Variants in NTS observed in about 807,000 individuals in gnomAD.
NTS encodes the protein neurotensin/neuromedin N.
In NTS, 20 loss-of-function variants were observed where a neutral mutation model predicts 19.5. That is an observed-to-expected ratio of 1.02 (90% confidence interval 0.72 to 1.49). NTS has a LOEUF of 1.49. Ranked by LOEUF, NTS falls within the 40% of genes most tolerant of loss-of-function variation. NTS has a pLI of 0.00. For synonymous variants in NTS, 71 were observed against 63.3 expected, an observed-to-expected ratio of 1.12 and a Z score of -0.58; for missense variants, 215 against 193.1, an observed-to-expected ratio of 1.11 and a Z score of -0.67.
chr12:85,879,609 ATATATTTTTTG>A (rs1240906227), intron 3 of NTS, among the ~76,000 whole-genome samples: 1 of 104,566 alleles, frequency 9.6e-6, no homozygotes, highest in African/African-American at 3.6e-5. Flanking sequence ...TGTATATAAA[ATATATTTTTTG>A]TATATTTTAT....
chr12:85,877,452 C>T (rs567026352), intron 2 of NTS, among the ~76,000 whole-genome samples: 6 of 147,218 alleles, frequency 4.1e-5, no homozygotes, highest in Non-Finnish European at 8.9e-5. Flanking sequence ...ATCCTGGGCC[C>T]TATTACTCCT....
In NTS at chr12:85,878,555, T is replaced by C. The variant is rs201738761; in HGVS notation, c.346T>C (p.Phe116Leu). ...QLHKICHSRA[F>L]QHWELIQEDI... Reference sequence around the variant, plus strand: ...CCACAAAATCTGTCACAGCAGGGCTTTTCAACACTGGGAGGTATAGCAATA... The same window carrying C: ...CCACAAAATCTGTCACAGCAGGGCTCTTCAACACTGGGAGGTATAGCAATA... The change falls in exon 3 of 4, where the codon TTT (phenylalanine) becomes CTT (leucine). Residue 116 changes from phenylalanine to leucine, a missense_variant. Transcript: ENST00000256010. 9.8e-5 allele frequency: 157 copies of C among 1,609,120 alleles called. 4 individuals carry two copies. In the Middle Eastern group the frequency reaches 8.1e-3, roughly 83 times the overall value.
chr12:85,878,376 T>C lies in NTS; in HGVS notation c.167T>C (p.Met56Thr), dbSNP rs769743232. 1 of 1,610,476 alleles carries C rather than the reference T, an allele frequency of 6.2e-7. No individual in the cohort carries two copies. Among genetic ancestry groups the C allele is most frequent in the Non-Finnish European group, 8.5e-7 (1 of 1,177,730 alleles). ...AAAGCACATGTTCCCTCTTGGAAGA[T>C]GACTCTGCTAAATGTTTGCAGTCTT... ...ISKAHVPSWK[M>T]TLLNVCSLVN... Residue 56 changes from methionine (M) to threonine (T), a missense_variant, in exon 3 of 4, where the codon ATG becomes ACG. Physicochemically the swap from Met to Thr is moderately conservative, Grantham distance 81. Coordinates refer to ENST00000256010, the MANE Select transcript of NTS (RefSeq NM_006183.5).
chr12:85,881,702 T>C (rs1253537389), intron 3 of NTS, among the ~76,000 whole-genome samples: 1 of 152,164 alleles, frequency 6.6e-6, no homozygotes, highest in Non-Finnish European at 1.5e-5. Flanking sequence ...TTCATCCCTC[T>C]ATTGAGAATT....
chr12:85,882,947 A>G lies in NTS; in HGVS notation c.*572A>G, dbSNP rs932502988. On this transcript the variant is annotated 3_prime_UTR_variant, in exon 4 of 4. Coordinates refer to ENST00000256010, the MANE Select transcript of NTS (RefSeq NM_006183.5). Reference sequence around the variant, plus strand: ...CATTGAACTGAATTTTTTGTCTGTTAAATGAACTTGATAGCTAATAAAAAG... The same window carrying G: ...CATTGAACTGAATTTTTTGTCTGTTGAATGAACTTGATAGCTAATAAAAAG... 2.0e-5 allele frequency: 3 copies of G among 152,252 alleles called. No homozygotes were observed. Among genetic ancestry groups the G allele is most frequent in the African/African-American group, 7.2e-5 (3 of 41,562 alleles). The allele number at this position is 152,252 out of a possible 1,614,324, so 9.4% of individuals were successfully genotyped here. A position where few individuals can be genotyped will look rare whatever the true frequency, so the allele number is the denominator to read the frequency against.
intron 3 of NTS, among the ~76,000 whole-genome samples, 155 bp downstream of exon 3, chr12:85,878,724 C>T (rs1028067211): frequency 6.6e-6 from 1 of 152,126 alleles, no homozygotes; most frequent in Non-Finnish European, 1.5e-5. Flanking sequence ...TGCTTCAGAT[C>T]TTCAAAGTGT....
At chr12:85,878,818 TG>T (rs754817873) in intron 3 of NTS, among the ~76,000 whole-genome samples, 3 of 152,022 alleles carry the variant, frequency 2.0e-5, no homozygotes, top group Non-Finnish European at 4.4e-5. Context: ...TTGATCCACA[TG>T]TTTTTATTAT....
At chr12:85,875,590 T>C (rs1236400747) in intron 1 of NTS, among the ~76,000 whole-genome samples, 1 of 152,064 alleles carries the variant, frequency 6.6e-6, no homozygotes, top group Non-Finnish European at 1.5e-5. Context: ...TTTCTATAAT[T>C]ATGATTTTAT....
At chr12:85,879,932 A>G (rs1881465018) in intron 3 of NTS, among the ~76,000 whole-genome samples, 1 of 148,294 alleles carries the variant, frequency 6.7e-6, no homozygotes, top group Non-Finnish European at 1.5e-5. Flanking sequence ...ATAAGGATAT[A>G]TTAGGTTAGT....
chr12:85,875,731 A>G (rs773495527), intron 1 of NTS, among the ~76,000 whole-genome samples: 1 of 152,024 alleles, frequency 6.6e-6, no homozygotes, highest in Non-Finnish European at 1.5e-5. Context: ...TTTGGTATAC[A>G]TTGTTCATAA....
intron 3 of NTS, 98 bp downstream of exon 3, chr12:85,878,667 G>A (rs1881402385): frequency 2.9e-6 from 2 of 685,996 alleles, no homozygotes; most frequent in East Asian, 6.1e-5. Flanking sequence ...ATAACAAGAA[G>A]AGTTACAAGT....
At chr12:85,881,638 C>G (rs1881505188) in intron 3 of NTS, among the ~76,000 whole-genome samples, 1 of 152,090 alleles carries the variant, frequency 6.6e-6, no homozygotes, top group African/African-American at 2.4e-5. Flanking sequence ...ATCATTTAAA[C>G]AGAGCTTTCC....
rs1881526385 is a variant in NTS, at chr12:85,882,570, T to C, written c.*195T>C. On this transcript the variant is annotated 3_prime_UTR_variant, in exon 4 of 4. Coordinates refer to ENST00000256010, the MANE Select transcript of NTS (RefSeq NM_006183.5). Reference sequence around the variant, plus strand: ...ATAAATCTAAATCTTCAGCATGATGTGTTGTGTATAATTGGAGTAGATATT... The same window carrying C: ...ATAAATCTAAATCTTCAGCATGATGCGTTGTGTATAATTGGAGTAGATATT... 2.1e-6 allele frequency: 1 copy of C among 482,544 alleles called. No homozygotes were observed. The highest frequency in any genetic ancestry group is 2.0e-5 in the African/African-American group (1 of 49,454). The allele number at this position is 482,544 out of a possible 1,614,324, so 29.9% of individuals were successfully genotyped here.
rs768439469 is a variant in NTS, at chr12:85,878,363, C to G, written c.154C>G (p.Pro52Ala). Residue 52 changes from proline (P) to alanine (A), a missense_variant, in exon 3 of 4, where the codon CCC becomes GCC. Coordinates refer to ENST00000256010, the MANE Select transcript of NTS (RefSeq NM_006183.5). ...ATTTCAGATTAGTAAAGCACATGTT[C>G]CCTCTTGGAAGATGACTCTGCTAAA... ...HTSKISKAHV[P>A]SWKMTLLNVC... 11 of 1,601,634 alleles carry G rather than the reference C, an allele frequency of 6.9e-6. No individual in the cohort carries two copies. In the Admixed American group the frequency reaches 1.7e-4, roughly 25 times the overall value.
intron 3 of NTS, among the ~76,000 whole-genome samples, chr12:85,880,148 C>T (rs1232234456): frequency 6.6e-6 from 1 of 151,320 alleles, no homozygotes; most frequent in African/African-American, 2.4e-5. Context: ...TATTTGGAAA[C>T]CTTTCGGTTC....
Position 85,879,820 on chromosome 12 carries a change from ATTTTATGTATATAAAATATAT to A in NTS, c.360+1264_360+1284del, listed in dbSNP as rs1374226450. ...GTATATAAAATATATTTTTATGTATATTTTATGTATATAAAATATATTTTTATGTATATTTACATATATTTA... is the reference window on the plus strand; with the variant it reads ...GTATATAAAATATATTTTTATGTATATTTTATGTATATTTACATATATTTA... On this transcript the variant is annotated intron_variant, in intron 3 of 3. Coordinates refer to ENST00000256010, the MANE Select transcript of NTS (RefSeq NM_006183.5). Among the ~76,000 whole-genome samples, 922 of 143,604 alleles carry A rather than the reference ATTTTATGTATATAAAATATAT, an allele frequency of 6.4e-3. 8 individuals are homozygous for A. The highest frequency in any genetic ancestry group is 0.024 in the East Asian group (122 of 4,996). 94.2% of individuals were successfully genotyped at this position (143,604 alleles called of 152,430 possible).
intron 3 of NTS, among the ~76,000 whole-genome samples, chr12:85,879,371 T>C (rs193093942): frequency 4.8e-3 from 2 of 418 alleles, no homozygotes; most frequent in Non-Finnish European, 0.034. Context: ...ATTTTATGTA[T>C]ATAAAATATA....
At position 85,878,434 on chromosome 12, in the gene NTS, A is replaced by G. The variant is rs768014870; in HGVS notation, c.225A>G (p.Thr75=). The change falls in exon 3 of 4, where the codon ACA becomes ACG. Residue 75 remains threonine (T), a synonymous_variant. Coordinates refer to ENST00000256010, the MANE Select transcript of NTS (RefSeq NM_006183.5). Reference sequence around the variant, plus strand: ...ATTTGAACAGCCCAGCTGAGGAAACAGGAGAAGTTCATGAAGAGGAGCTTG... The same window carrying G: ...ATTTGAACAGCCCAGCTGAGGAAACGGGAGAAGTTCATGAAGAGGAGCTTG... The part of the protein sequence containing the change: ...VNNLNSPAEE[T]GEVHEEELVA... 4 of 1,613,836 alleles carry G rather than the reference A, an allele frequency of 2.5e-6. No homozygotes were observed. The highest frequency in any genetic ancestry group is 1.7e-5 in the Admixed American group (1 of 60,006).
chr12:85,882,448 G>A lies in NTS; in HGVS notation c.*73G>A, dbSNP rs1881522897. 8.3e-7 allele frequency: 1 copy of A among 1,209,798 alleles called. No homozygotes were observed. Among genetic ancestry groups the A allele is most frequent in the Non-Finnish European group, 1.1e-6 (1 of 871,668 alleles). The allele number at this position is 1,209,798 out of a possible 1,614,324, so 74.9% of individuals were successfully genotyped here. A position where few individuals can be genotyped will look rare whatever the true frequency, so the allele number is the denominator to read the frequency against. ...ATTAAATATCAAATTATATTTGTGT[G>A]AAAATGTGACAAACACACTTATCTG... On this transcript the variant is annotated 3_prime_UTR_variant, in exon 4 of 4. Transcript: ENST00000256010.
Sources: gnomAD v4.1 joint callset for allele counts (sites outside exome capture counted in the v4.1 genomes callset) on GRCh38, gnomAD v4.1.1 for gene constraint, MANE v1.5 for transcripts, NCBI Gene and HGNC (gene_info 2026-07-23, HGNC 2026-07-21) for gene names.